The following PPP1R16B variants were observed in gnomAD, a reference collection of about 807,000 sequenced individuals.
The protein encoded by PPP1R16B is protein phosphatase 1 regulatory inhibitor subunit 16B.
In PPP1R16B, 14 loss-of-function variants were observed where a neutral mutation model predicts 61.7. The observed-to-expected ratio is 0.23, with a 90% CI of 0.15 to 0.35. The LOEUF (loss-of-function observed/expected upper bound fraction) is 0.35. PPP1R16B is among the 10% of genes least tolerant of loss of function. PPP1R16B has a pLI of 1.00. For synonymous variants in PPP1R16B, 266 were observed against 305.3 expected, an observed-to-expected ratio of 0.87 and a Z score of 1.34; for missense variants, 547 against 752.5, an observed-to-expected ratio of 0.73 and a Z score of 3.19.
chr20:38,886,011 A>G (rs2085242230), intron 2 of PPP1R16B, among the ~76,000 whole-genome samples: 1 of 152,168 alleles, frequency 6.6e-6, no homozygotes, highest in South Asian at 2.1e-4. Context: ...CCTGACCCCA[A>G]GTGATCCACA....
At chr20:38,889,290 A>G (rs1233850564) in intron 2 of PPP1R16B, among the ~76,000 whole-genome samples, 1 of 152,252 alleles carries the variant, frequency 6.6e-6, no homozygotes, top group Non-Finnish European at 1.5e-5. Flanking sequence ...TTGAACCTCC[A>G]GAGTGTATGC....
chr20:38,912,061 C>G (rs1281275589), intron 10 of PPP1R16B, among the ~76,000 whole-genome samples: 1 of 150,442 alleles, frequency 6.6e-6, no homozygotes, highest in Admixed American at 6.6e-5. Context: ...TTTCCCATGG[C>G]AGAGTGTTTC....
chr20:38,835,751 G>A (rs909196432), intron 1 of PPP1R16B, 74 bp from the exon 2 acceptor site: 4 of 757,240 alleles, frequency 5.3e-6, no homozygotes, highest in Non-Finnish European at 8.1e-6. Context: ...CGAACACGGG[G>A]CGTTGGGGGA....
chr20:38,907,307 G>A lies in PPP1R16B; in HGVS notation c.898+253G>A, dbSNP rs951828297. ...GAGGTCTGGTTGAATGGATGGGTGGGTGGGTGGATGGATGGATGGATGGAT... is the reference window on the plus strand; with the variant it reads ...GAGGTCTGGTTGAATGGATGGGTGGATGGGTGGATGGATGGATGGATGGAT... On this transcript the variant is annotated intron_variant, in intron 8 of 10. Coordinates refer to ENST00000299824, the MANE Select transcript of PPP1R16B (RefSeq NM_015568.4). The surrounding 1 kb of genome is among the most constrained non-coding windows in gnomAD (Gnocchi z 4.5). Among the ~76,000 whole-genome samples the A allele has an allele frequency of 5.0e-5, 7 of 139,170 alleles. No homozygotes were observed. Among genetic ancestry groups the A allele is most frequent in the African/African-American group, 1.1e-4 (4 of 34,992 alleles). The allele number at this position is 139,170 out of a possible 152,430, so 91.3% of individuals were successfully genotyped here.
At chr20:38,839,152 T>A (rs1366855844) in intron 2 of PPP1R16B, among the ~76,000 whole-genome samples, 1 of 152,182 alleles carries the variant, frequency 6.6e-6, no homozygotes, top group Non-Finnish European at 1.5e-5. Flanking sequence ...GGTCTCAAAC[T>A]CCTGACCTCA....
chr20:38,829,926 G>T (rs942743681), intron 1 of PPP1R16B, among the ~76,000 whole-genome samples: 1 of 152,362 alleles, frequency 6.6e-6, no homozygotes, highest in Admixed American at 6.5e-5. Flanking sequence ...GGTGGGAGGG[G>T]CTCGCGGGGA....
At chr20:38,814,428 T>C (rs1386017829) in intron 1 of PPP1R16B, among the ~76,000 whole-genome samples, 1 of 152,070 alleles carries the variant, frequency 6.6e-6, no homozygotes, top group Non-Finnish European at 1.5e-5. Context: ...ACTGCAACCT[T>C]GAGTAAGTTA....
At chr20:38,901,052 C>G (rs568472670) in intron 5 of PPP1R16B, among the ~76,000 whole-genome samples, 1 of 152,312 alleles carries the variant, frequency 6.6e-6, no homozygotes, top group African/African-American at 2.4e-5. Flanking sequence ...TGGAGGGTGC[C>G]TGCTCTGTGC....
At chr20:38,894,225 C>T (rs1322125253) in intron 3 of PPP1R16B, among the ~76,000 whole-genome samples, 1 of 152,136 alleles carries the variant, frequency 6.6e-6, no homozygotes, top group African/African-American at 2.4e-5. Context: ...GCGCTGAGCC[C>T]TGGCTTCCCT....
chr20:38,824,761 G>A (rs1216538640), intron 1 of PPP1R16B, among the ~76,000 whole-genome samples: 4 of 152,250 alleles, frequency 2.6e-5, no homozygotes, highest in African/African-American at 7.2e-5. Context: ...TGGGCATGGC[G>A]GCCACGCCTG....
chr20:38,875,644 C>G (rs1010477141), intron 2 of PPP1R16B, among the ~76,000 whole-genome samples: 3 of 152,196 alleles, frequency 2.0e-5, no homozygotes, highest in Non-Finnish European at 2.9e-5. Context: ...ATAAAAATAC[C>G]ATCCTTTTTG....
chr20:38,891,955 C>T (rs545385307), intron 3 of PPP1R16B, among the ~76,000 whole-genome samples: 39 of 152,002 alleles, frequency 2.6e-4, no homozygotes, highest in Non-Finnish European at 4.0e-4. Context: ...CCACAGCACT[C>T]GAAATGTGGC....
At chr20:38,822,213 C>T (rs912282795) in intron 1 of PPP1R16B, among the ~76,000 whole-genome samples, 9 of 151,746 alleles carry the variant, frequency 5.9e-5, no homozygotes, top group African/African-American at 2.2e-4. Context: ...GAGATTTGGG[C>T]ACTGTTTATA....
intron 1 of PPP1R16B, among the ~76,000 whole-genome samples, chr20:38,813,873 G>A (rs1042416512): frequency 6.6e-6 from 1 of 151,044 alleles, no homozygotes; most frequent in African/African-American, 2.4e-5. Context: ...CTCGGCTCAC[G>A]GCAACTTCTG....
intron 1 of PPP1R16B, among the ~76,000 whole-genome samples, chr20:38,817,415 A>C (rs1181172297): frequency 6.6e-6 from 1 of 152,012 alleles, no homozygotes; most frequent in Non-Finnish European, 1.5e-5. Context: ...ATACAAAAAA[A>C]TTAGCCAGGC....
intron 4 of PPP1R16B, 37 bp downstream of exon 4, chr20:38,895,747 C>T (rs746511471): frequency 2.5e-6 from 4 of 1,588,974 alleles, no homozygotes; most frequent in Non-Finnish European, 3.4e-6. Flanking sequence ...AGCCTCCCTC[C>T]ACCTCTTGTC....
At chr20:38,832,576 A>G (rs2084844123) in intron 1 of PPP1R16B, among the ~76,000 whole-genome samples, 1 of 152,342 alleles carries the variant, frequency 6.6e-6, no homozygotes, top group African/African-American at 2.4e-5. Context: ...GCTGGAGGGT[A>G]TGAAACCAGC....
intron 1 of PPP1R16B, among the ~76,000 whole-genome samples, chr20:38,807,146 G>A (rs1440084514): frequency 6.6e-6 from 1 of 152,166 alleles, no homozygotes. Context: ...AGTCCGCAGG[G>A]GTACTTCCCT....
intron 2 of PPP1R16B, among the ~76,000 whole-genome samples, chr20:38,847,685 T>C (rs936335054): frequency 6.6e-6 from 1 of 152,124 alleles, no homozygotes; most frequent in Admixed American, 6.6e-5. Context: ...ACTAGTGTGC[T>C]TCTTATTGGT....
Sources: gnomAD v4.1 joint callset for allele counts (sites outside exome capture counted in the v4.1 genomes callset) on GRCh38, gnomAD v4.1.1 for gene constraint, Gnocchi (gnomAD v3.1) non-coding constraint, MANE v1.5 for transcripts, NCBI Gene and HGNC (gene_info 2026-07-23, HGNC 2026-07-21) for gene names.